The following UHMK1 variants were observed in gnomAD, a reference collection of about 807,000 sequenced individuals.
UHMK1 encodes U2AF homology motif kinase 1, also known as serine/threonine-protein kinase Kist.
Under a neutral mutation model 44.0 loss-of-function variants are expected in UHMK1, and 18 were observed. The ratio of observed to expected loss-of-function variants is 0.41; its 90% CI spans 0.28 to 0.61. The LOEUF (loss-of-function observed/expected upper bound fraction) is 0.61, where lower values mean the gene tolerates loss of function less well. Among genes scored for constraint, UHMK1 ranks in the 20% least tolerant of loss-of-function variants. The pLI is 0.31. For missense variants in UHMK1, 463 were observed against 522.5 expected (o/e 0.89, Z 1.11); for synonymous variants, 231 against 198.5 (o/e 1.16, Z -1.38).
chr1:162,519,820 T>G (rs1348180383), intron 7 of UHMK1, among the ~76,000 whole-genome samples: 1 of 152,196 alleles, frequency 6.6e-6, no homozygotes, highest in African/African-American at 2.4e-5. Context: ...TCTACCCACT[T>G]TGAACAAAAA....
Position 162,497,901 on chromosome 1 carries a change from C to T in UHMK1, c.-100C>T. On this transcript the variant is annotated 5_prime_UTR_variant, in exon 1 of 8. Coordinates refer to ENST00000489294, the MANE Select transcript of UHMK1 (RefSeq NM_175866.5). ...TGAGGCGGCTGCAGGTCCCTCCCTG[C>T]GGAGCCGCTGGTCCGGCTGGCGGAG... 2.8e-6 allele frequency: 4 copies of T among 1,425,664 alleles called. No homozygotes were observed. The highest frequency in any genetic ancestry group is 3.7e-6 in the Non-Finnish European group (4 of 1,095,104). 88.3% of individuals were successfully genotyped at this position (1,425,664 alleles called of 1,614,324 possible). A position where few individuals can be genotyped will look rare whatever the true frequency, so the allele number is the denominator to read the frequency against.
chr1:162,518,067 T>G, intron 6 of UHMK1, 35 bp from the exon 7 acceptor site: 1 of 1,426,144 alleles, frequency 7.0e-7, no homozygotes, highest in Middle Eastern at 1.8e-4. Context: ...GTTTATTATA[T>G]CAGAGCAGTT....
In UHMK1 at chr1:162,522,690, C is replaced by T; in HGVS notation, c.*140C>T. On this transcript the variant is annotated 3_prime_UTR_variant, in exon 8 of 8. Coordinates refer to ENST00000489294, the MANE Select transcript of UHMK1 (RefSeq NM_175866.5). Reference sequence around the variant, plus strand: ...AATCCTACTAATGTGCAGCCATTGCCCAAGCAGTGACTGCGTTGCATACAT... The same window carrying T: ...AATCCTACTAATGTGCAGCCATTGCTCAAGCAGTGACTGCGTTGCATACAT... 1.0e-6 allele frequency: 1 copy of T among 965,754 alleles called. No homozygotes were observed. Among genetic ancestry groups the T allele is most frequent in the Non-Finnish European group, 1.5e-6 (1 of 667,192 alleles). 59.8% of individuals were successfully genotyped at this position (965,754 alleles called of 1,614,324 possible). A position where few individuals can be genotyped will look rare whatever the true frequency, so the allele number is the denominator to read the frequency against.
At chr1:162,505,801 C>T (rs964005907) in intron 4 of UHMK1, among the ~76,000 whole-genome samples, 2 of 152,086 alleles carry the variant, frequency 1.3e-5, no homozygotes. Context: ...GTATAGTTTC[C>T]TTTGAATATT....
chr1:162,497,764 G>GA, upstream of UHMK1: 1 of 1,262,182 alleles, frequency 7.9e-7, no homozygotes. Context: ...CGCCCCTTCT[G>GA]AGCCCCCCCT....
At chr1:162,503,690 T>C in intron 3 of UHMK1, 64 bp from the exon 4 acceptor site, 1 of 1,110,382 alleles carries the variant, frequency 9.0e-7, no homozygotes, top group Admixed American at 1.8e-5. Context: ...AATAGTGCTA[T>C]ATGCCTAGTA....
intron 4 of UHMK1, among the ~76,000 whole-genome samples, chr1:162,505,064 C>A (rs546825535): frequency 6.6e-6 from 1 of 152,100 alleles, no homozygotes; most frequent in African/African-American, 2.4e-5. Context: ...TGTGTGCCAC[C>A]GCTTCTGGCC....
At position 162,527,395 on chromosome 1, in the gene UHMK1, A is replaced by G. The variant is rs1303991493; in HGVS notation, c.*4845A>G. ...GCAGTGGACTGTAAGAGAAATATCT[A>G]TAAATCAGAGAGTATTTAGGAAACT... On this transcript the variant is annotated 3_prime_UTR_variant, in exon 8 of 8. Coordinates refer to ENST00000489294, the MANE Select transcript of UHMK1 (RefSeq NM_175866.5). 5 of 152,126 alleles carry G rather than the reference A, an allele frequency of 3.3e-5. No individual in the cohort carries two copies. Among genetic ancestry groups the G allele is most frequent in the African/African-American group, 4.8e-5 (2 of 41,452 alleles). 9.4% of individuals were successfully genotyped at this position (152,126 alleles called of 1,614,324 possible). A position where few individuals can be genotyped will look rare whatever the true frequency, so the allele number is the denominator to read the frequency against.
intron 4 of UHMK1, among the ~76,000 whole-genome samples, chr1:162,505,772 C>A (rs1651446665): frequency 6.6e-6 from 1 of 152,084 alleles, no homozygotes; most frequent in African/African-American, 2.4e-5. Context: ...AGTATGGATC[C>A]CTTGTCTGAG....
At chr1:162,504,408 A>G (rs984513248) in intron 4 of UHMK1, among the ~76,000 whole-genome samples, 5 of 152,242 alleles carry the variant, frequency 3.3e-5, no homozygotes, top group Admixed American at 2.6e-4. Flanking sequence ...TGCTGACATC[A>G]TATAGTACTT....
At chr1:162,518,523 A>T (rs1029892047) in intron 7 of UHMK1, among the ~76,000 whole-genome samples, 3 of 151,216 alleles carry the variant, frequency 2.0e-5, no homozygotes, top group Non-Finnish European at 2.9e-5. Context: ...CTCTACTGAA[A>T]ATACAAAAGT....
chr1:162,503,901 G>A, intron 4 of UHMK1, 53 bp downstream of exon 4: 1 of 1,394,670 alleles, frequency 7.2e-7, no homozygotes, highest in Non-Finnish European at 1.0e-6. Context: ...ATGTGAAATG[G>A]TACGTCTTTT....
At chr1:162,501,650 T>A (rs920982505) in intron 3 of UHMK1, among the ~76,000 whole-genome samples, 1 of 152,248 alleles carries the variant, frequency 6.6e-6, no homozygotes, top group Non-Finnish European at 1.5e-5. Context: ...ATAAAATGTT[T>A]GAATGAATGC....
At chr1:162,501,732 T>C (rs1017736500) in intron 3 of UHMK1, among the ~76,000 whole-genome samples, 3 of 152,170 alleles carry the variant, frequency 2.0e-5, no homozygotes, top group African/African-American at 7.2e-5. Context: ...GTGTTACTAA[T>C]ACAACCATAG....
rs1233683274 is a variant in UHMK1 at position 162,522,728 on chromosome 1, A to G, written c.*178A>G. On this transcript the variant is annotated 3_prime_UTR_variant, in exon 8 of 8. Coordinates refer to ENST00000489294, the MANE Select transcript of UHMK1 (RefSeq NM_175866.5). Reference sequence around the variant, plus strand: ...GCGTTGCATACATTTGGCACTGAGTAGGACAAGACCTCTCAGCTATACATT... The same window carrying G: ...GCGTTGCATACATTTGGCACTGAGTGGGACAAGACCTCTCAGCTATACATT... The G allele has an allele frequency of 1.5e-6, 1 of 661,442 alleles. No individual in the cohort carries two copies. Among genetic ancestry groups the G allele is most frequent in the Non-Finnish European group, 2.4e-6 (1 of 408,630 alleles). The allele number at this position is 661,442 out of a possible 1,614,324, so 41.0% of individuals were successfully genotyped here. A position where few individuals can be genotyped will look rare whatever the true frequency, so the allele number is the denominator to read the frequency against.
chr1:162,524,767 A>G lies in UHMK1; in HGVS notation c.*2217A>G, dbSNP rs1652185141. The G allele has an allele frequency of 6.6e-6, 1 of 152,230 alleles. No homozygotes were observed. The highest frequency in any genetic ancestry group is 6.5e-5 in the Admixed American group (1 of 15,270). 9.4% of individuals were successfully genotyped at this position (152,230 alleles called of 1,614,324 possible). On this transcript the variant is annotated 3_prime_UTR_variant, in exon 8 of 8. Transcript: ENST00000489294. ...TTGATTGTCATCTTATTGCTGATAC[A>G]TTCATACATATATTTAGTGCTTGAC...
Position 162,522,826 on chromosome 1 carries a change from G to A in UHMK1, c.*276G>A, listed in dbSNP as rs1280644791. ...AGCAGGTGTTGCTCTTCAGTATGTA[G>A]CCTAAAAAAATCTTAATTATTTCAT... On this transcript the variant is annotated 3_prime_UTR_variant, in exon 8 of 8. Transcript: ENST00000489294. 5 of 272,526 alleles carry A rather than the reference G, an allele frequency of 1.8e-5. No homozygotes were observed. Among genetic ancestry groups the A allele is most frequent in the Non-Finnish European group, 3.5e-5 (5 of 144,700 alleles). 16.9% of individuals were successfully genotyped at this position (272,526 alleles called of 1,614,324 possible). A position where few individuals can be genotyped will look rare whatever the true frequency, so the allele number is the denominator to read the frequency against.
chr1:162,512,927 T>C lies in UHMK1; in HGVS notation c.1024+104T>C, dbSNP rs183467729. On this transcript the variant is annotated intron_variant, in intron 6 of 7. Transcript: ENST00000489294. The stretch of plus-strand genomic sequence containing the variant: ...TTTCTCAATTTATCTAATGAGAATA[T>C]TGAACAATATGATCTCTAATATACT... The C allele has an allele frequency of 6.8e-4, 762 of 1,112,462 alleles. 5 individuals are homozygous for C. Among genetic ancestry groups the C allele is most frequent in the Admixed American group, 1.8e-3 (88 of 49,524 alleles). The allele number at this position is 1,112,462 out of a possible 1,614,324, so 68.9% of individuals were successfully genotyped here.
intron 4 of UHMK1, among the ~76,000 whole-genome samples, chr1:162,511,492 A>G (rs1557943860): frequency 6.6e-6 from 1 of 152,012 alleles, no homozygotes; most frequent in Non-Finnish European, 1.5e-5. Context: ...TATATCTTGT[A>G]TATTACTCCC....
Sources: allele counts gnomAD v4.1 joint callset (sites outside exome capture counted in the v4.1 genomes callset), GRCh38; gene constraint gnomAD v4.1.1; transcripts MANE v1.5; gene names NCBI Gene and HGNC (gene_info 2026-07-23, HGNC 2026-07-21).